Variants in GATA4 observed in about 807,000 individuals in gnomAD.
The protein encoded by GATA4 is transcription factor GATA-4.
GATA4 carries 7 observed loss-of-function variants against 37.9 expected under a neutral mutation model. That is an observed-to-expected ratio of 0.18 (90% CI 0.11 to 0.35). GATA4 has a LOEUF of 0.35. Among genes scored for constraint, GATA4 ranks in the 10% least tolerant of loss-of-function variants. The pLI is 1.00. For missense variants in GATA4, 647 were observed against 653.0 expected (o/e 0.99, Z 0.10); for synonymous variants, 372 against 292.6 (o/e 1.27, Z -2.77).
intron 2 of GATA4, among the ~76,000 whole-genome samples, chr8:11,743,482 G>A (rs2130278186): frequency 6.6e-6 from 1 of 152,348 alleles, no homozygotes; most frequent in African/African-American, 2.4e-5. Flanking sequence ...AGCAGACCAG[G>A]CTCTGTGGCG....
chr8:11,742,655 G>C (rs1053554264), intron 2 of GATA4, among the ~76,000 whole-genome samples: 2 of 152,250 alleles, frequency 1.3e-5, no homozygotes, highest in Admixed American at 1.3e-4. Context: ...CGCTGGAGCT[G>C]TGTGGGCCTC....
intron 2 of GATA4, among the ~76,000 whole-genome samples, chr8:11,712,775 C>T (rs1362868731): frequency 1.3e-5 from 2 of 151,536 alleles, no homozygotes; most frequent in African/African-American, 4.9e-5. Flanking sequence ...GTGGGAGGAT[C>T]GCTTGAGTCA....
Position 11,708,793 on chromosome 8 carries a change from C to T in GATA4, c.481C>T (p.Pro161Ser). The T allele has an allele frequency of 1.4e-6, 2 of 1,474,592 alleles. No homozygotes were observed. The highest frequency in any genetic ancestry group is 1.3e-5 in the South Asian group (1 of 77,444). The allele number at this position is 1,474,592 out of a possible 1,614,324, so 91.3% of individuals were successfully genotyped here. ...RAGFAGSYSS[P>S]YPAYMADVGA... ...CGGCTTCGCGGGCTCCTACTCCAGC[C>T]CCTACCCGGCTTACATGGCCGACGT... The change falls in exon 2 of 7, where the codon CCC (proline) becomes TCC (serine). Residue 161 changes from proline (P) to serine (S), a missense_variant. Around this residue, in one of 5 missense-constraint regions of GATA4, gnomAD observed 379 missense variants for 334.5 expected, o/e 1.13. Transcript: ENST00000532059. The surrounding 1 kb of genome is among the most constrained non-coding windows in gnomAD (Gnocchi z 6.7).
At chr8:11,717,535 G>A (rs1382225933) in intron 2 of GATA4, among the ~76,000 whole-genome samples, 1 of 152,178 alleles carries the variant, frequency 6.6e-6, no homozygotes, top group Admixed American at 6.5e-5. Context: ...TGGAACCCAG[G>A]TAAGTCCAAC....
At chr8:11,710,162 G>A (rs1296156380) in intron 2 of GATA4, among the ~76,000 whole-genome samples, 1 of 152,146 alleles carries the variant, frequency 6.6e-6, no homozygotes, top group African/African-American at 2.4e-5. Context: ...AGGTTCCCGG[G>A]GGTGCAGCCA....
intron 2 of GATA4, among the ~76,000 whole-genome samples, chr8:11,712,162 G>T (rs1800213836): frequency 6.6e-6 from 1 of 152,216 alleles, no homozygotes. Flanking sequence ...CATAAATGAT[G>T]GTTATTTTAT....
chr8:11,730,616 C>T (rs982567356), intron 2 of GATA4, among the ~76,000 whole-genome samples: 5 of 152,166 alleles, frequency 3.3e-5, no homozygotes, highest in African/African-American at 9.7e-5. Context: ...GGTGTTCAGG[C>T]CATGGCCAGC....
rs7832826 is a variant in GATA4 at position 11,743,324 on chromosome 8, G to A, written c.617-5592G>A. On this transcript the variant is annotated intron_variant, in intron 2 of 6. Transcript: ENST00000532059. ...GGGGCGCGTATACAGACGCATGGCAGATATTTGAGTTTCAGGCATTGCTGT... is the reference window on the plus strand; with the variant it reads ...GGGGCGCGTATACAGACGCATGGCAAATATTTGAGTTTCAGGCATTGCTGT... 7.1e-3 allele frequency among the ~76,000 whole-genome samples: 1,080 copies of A among 152,372 alleles called. 10 individuals carry two copies. The highest frequency in any genetic ancestry group is 0.022 in the African/African-American group (904 of 41,592).
rs1800074406 is a variant in GATA4, at chr8:11,709,576, G to GGGGGGGGGGGC, written c.616+650_616+660dup. ...CGCGTGGGCGCATCATGCGGGCAGC[G>GGGGGGGGGGGC]GGGGGGGGGGCGCACACGCCCGGTC... On this transcript the variant is annotated intron_variant, in intron 2 of 6. Transcript: ENST00000532059. The surrounding 1 kb of genome is among the most constrained non-coding windows in gnomAD (Gnocchi z 4.3). Among the ~76,000 whole-genome samples, 1 of 41,646 alleles carries GGGGGGGGGGGC rather than the reference G, an allele frequency of 2.4e-5. No individual in the cohort carries two copies. The highest frequency in any genetic ancestry group is 1.1e-4 in the Non-Finnish European group (1 of 9,460). The allele number at this position is 41,646 out of a possible 152,430, so 27.3% of individuals were successfully genotyped here.
chr8:11,732,157 T>C (rs1055845694), intron 2 of GATA4, among the ~76,000 whole-genome samples: 1 of 152,246 alleles, frequency 6.6e-6, no homozygotes, highest in Non-Finnish European at 1.5e-5. Context: ...ACTTTTAAAA[T>C]TTCTTTGGAA....
chr8:11,687,142 G>A (rs1230742444), intron 1 of GATA4, among the ~76,000 whole-genome samples: 1 of 152,174 alleles, frequency 6.6e-6, no homozygotes, highest in Non-Finnish European at 1.5e-5. Context: ...AAGTGAGGAG[G>A]ACACAGCTGG....
chr8:11,679,172 A>C, intron 1 of GATA4, among the ~76,000 whole-genome samples: 1 of 59,496 alleles, frequency 1.7e-5, no homozygotes, highest in South Asian at 6.4e-4. Flanking sequence ...AATTATCCGA[A>C]TAATTGCGGG....
rs1046421876 is a variant in GATA4 at position 11,749,478 on chromosome 8, C to A, written c.786+393C>A. ...GGTCACCTCAGAGGCTGGTCTCTAC[C>A]CTGACCTCAGTTGATCAGTTGATAA... On this transcript the variant is annotated intron_variant, in intron 3 of 6. Transcript: ENST00000532059. The surrounding 1 kb of genome is among the most constrained non-coding windows in gnomAD (Gnocchi z 4.6). 6.6e-6 allele frequency among the ~76,000 whole-genome samples: 1 copy of A among 152,152 alleles called. No individual in the cohort carries two copies. The highest frequency in any genetic ancestry group is 6.5e-5 in the Admixed American group (1 of 15,276).
intron 2 of GATA4, among the ~76,000 whole-genome samples, chr8:11,734,694 T>A (rs892599668): frequency 6.6e-6 from 1 of 152,150 alleles, no homozygotes; most frequent in Non-Finnish European, 1.5e-5. Context: ...TTCACCATGT[T>A]GGTCAGTCTG....
At chr8:11,710,716 G>T (rs981793889) in intron 2 of GATA4, among the ~76,000 whole-genome samples, 2 of 134,778 alleles carry the variant, frequency 1.5e-5, no homozygotes, top group African/African-American at 2.7e-5. Flanking sequence ...AAAAAAAAAG[G>T]ACTGGTCCAG....
intron 2 of GATA4, among the ~76,000 whole-genome samples, chr8:11,715,525 G>A (rs1800398755): frequency 6.6e-6 from 1 of 151,888 alleles, no homozygotes; most frequent in African/African-American, 2.4e-5. Context: ...GAGGCGGGCG[G>A]ATCGTGAGAT....
rs1800047290 is a variant in GATA4, at chr8:11,709,137, C to T, written c.616+209C>T. Among the ~76,000 whole-genome samples, 1 of 152,216 alleles carries T rather than the reference C, an allele frequency of 6.6e-6. No homozygotes were observed. Among genetic ancestry groups the T allele is most frequent in the South Asian group, 2.1e-4 (1 of 4,836 alleles). On this transcript the variant is annotated intron_variant, in intron 2 of 6. Transcript: ENST00000532059. This position sits in a 1 kb window ranked among gnomAD's most constrained non-coding sequence, Gnocchi z 4.3. ...CCGGCTTCTGTGGAAGGGGCCGGGC[C>T]TGCCCGCCGGGGCCTCTTCTGAGAT...
intron 2 of GATA4, 90 bp from the exon 3 acceptor site, chr8:11,748,826 C>A (rs1199567301): frequency 6.9e-7 from 1 of 1,455,904 alleles, no homozygotes; most frequent in Non-Finnish European, 9.6e-7. Flanking sequence ...GGCATTGTTT[C>A]TGTGCGCTCT....
intron 2 of GATA4, among the ~76,000 whole-genome samples, chr8:11,733,703 C>T (rs1481962692): frequency 1.3e-5 from 2 of 152,232 alleles, no homozygotes; most frequent in Non-Finnish European, 2.9e-5. Context: ...ATATGCGTCC[C>T]TGCAGAAACA....
Sources: allele counts gnomAD v4.1 joint callset (sites outside exome capture counted in the v4.1 genomes callset), GRCh38; gene constraint gnomAD v4.1.1; regional missense constraint gnomAD v4.1.1; non-coding constraint Gnocchi (gnomAD v3.1); transcripts MANE v1.5; gene names NCBI Gene and HGNC (gene_info 2026-07-23, HGNC 2026-07-21).